The following SNX2 variants were observed in gnomAD, a reference collection of about 807,000 sequenced individuals.
The protein encoded by SNX2 is sorting nexin 2, also known as sorting nexin-2.
Under a neutral mutation model 69.9 loss-of-function variants are expected in SNX2, and 25 were observed. The ratio of observed to expected loss-of-function variants is 0.36; its 90% CI spans 0.26 to 0.50. The LOEUF (loss-of-function observed/expected upper bound fraction) is 0.50. Ranked by LOEUF, SNX2 falls within the 20% of genes least tolerant of loss-of-function variation. SNX2 has a pLI of 0.97. For synonymous variants in SNX2, 229 were observed against 200.4 expected (o/e 1.14, Z -1.20); for missense variants, 551 against 613.3 (o/e 0.90, Z 1.07).
chr5:122,814,753 T>TTTTTTTTGGTTTTTTTTG (rs1554063743), intron 7 of SNX2, among the ~76,000 whole-genome samples: 2 of 151,010 alleles, frequency 1.3e-5, no homozygotes, highest in African/African-American at 4.9e-5. Flanking sequence ...GATAGCAGGT[T>TTTTTTTTGGTTTTTTTTG]TTTTTTTGTT....
At chr5:122,795,614 A>T (rs763424666) in intron 2 of SNX2, 1 of 366,918 alleles carries the variant, frequency 2.7e-6, no homozygotes, top group Non-Finnish European at 4.9e-6. Flanking sequence ...AATAAATTGT[A>T]TATTATAATT....
chr5:122,789,473 G>GCACA (rs1753175052), intron 1 of SNX2, among the ~76,000 whole-genome samples: 4 of 36,746 alleles, frequency 1.1e-4, no homozygotes, highest in African/African-American at 3.6e-4. Context: ...AGACACACAC[G>GCACA]GACACACACA....
intron 6 of SNX2, 81 bp from the exon 7 acceptor site, chr5:122,808,196 T>C (rs1234492058): frequency 1.1e-6 from 1 of 909,092 alleles, no homozygotes; most frequent in South Asian, 1.9e-5. Context: ...TTTGAGTGTA[T>C]TTTAAATTAT....
intron 2 of SNX2, among the ~76,000 whole-genome samples, chr5:122,799,487 C>G (rs3765076): frequency 0.039 from 5,861 of 152,152 alleles, 183 homozygotes; most frequent in East Asian, 0.1. Flanking sequence ...AGGATTCTTT[C>G]TAAAATCAAC....
intron 1 of SNX2, among the ~76,000 whole-genome samples, chr5:122,793,764 T>A (rs1934505233): frequency 6.7e-6 from 1 of 149,190 alleles, no homozygotes; most frequent in South Asian, 2.1e-4. Flanking sequence ...CAAAAAAAAA[T>A]TAGCTGGGCG....
intron 11 of SNX2, among the ~76,000 whole-genome samples, chr5:122,821,588 G>A (rs1754026439): frequency 6.6e-6 from 1 of 151,850 alleles, no homozygotes; most frequent in Non-Finnish European, 1.5e-5. Flanking sequence ...CCGAGTAGCT[G>A]GGACTACAGG....
intron 9 of SNX2, 116 bp downstream of exon 9, chr5:122,817,144 C>A: frequency 9.0e-7 from 1 of 1,116,066 alleles, no homozygotes; most frequent in Non-Finnish European, 1.3e-6. Flanking sequence ...GTTTAGTTCT[C>A]AGCCACATCA....
intron 11 of SNX2, among the ~76,000 whole-genome samples, chr5:122,819,418 A>G (rs1043796420): frequency 6.6e-6 from 1 of 152,190 alleles, no homozygotes; most frequent in Non-Finnish European, 1.5e-5. Flanking sequence ...ATTGCAGTGA[A>G]TATGTTTAAT....
intron 1 of SNX2, among the ~76,000 whole-genome samples, chr5:122,789,039 T>C (rs1203862703): frequency 1.3e-5 from 2 of 152,220 alleles, no homozygotes; most frequent in Non-Finnish European, 2.9e-5. Flanking sequence ...CATCCTGTTA[T>C]AATCCTCTGG....
intron 7 of SNX2, among the ~76,000 whole-genome samples, chr5:122,814,818 C>T (rs867355595): frequency 8.6e-5 from 13 of 151,572 alleles, no homozygotes; most frequent in Admixed American, 7.9e-4. Context: ...GGCAGGATCT[C>T]GGCTCACTCC....
intron 7 of SNX2, 30 bp downstream of exon 7, chr5:122,808,385 CTCA>C: frequency 1.4e-6 from 2 of 1,426,002 alleles, no homozygotes; most frequent in Non-Finnish European, 2.0e-6. Flanking sequence ...TTTTATTACT[CTCA>C]TGTTTGTACC....
chr5:122,801,170 T>G (rs1753499547), intron 3 of SNX2, among the ~76,000 whole-genome samples: 1 of 152,148 alleles, frequency 6.6e-6, no homozygotes, highest in South Asian at 2.1e-4. Context: ...GAGAGAGAAC[T>G]TTGAAAAATG....
At chr5:122,802,178 G>C in intron 5 of SNX2, 54 bp downstream of exon 5, 1 of 1,396,162 alleles carries the variant, frequency 7.2e-7, no homozygotes, top group Non-Finnish European at 1.0e-6. Flanking sequence ...TGTGTAGTAT[G>C]AGGATATGGC....
At chr5:122,827,904 A>G (rs1410000000) in intron 14 of SNX2, 9 of 355,244 alleles carry the variant, frequency 2.5e-5, no homozygotes, top group Non-Finnish European at 4.6e-5. Context: ...CTCATGGGCA[A>G]CTTTCCCCTT....
chr5:122,798,334 C>T (rs6888433), intron 2 of SNX2, among the ~76,000 whole-genome samples: 63,406 of 151,854 alleles, frequency 0.42, 13,806 homozygotes, highest in African/African-American at 0.5. Flanking sequence ...CTGGTTACCA[C>T]AGTTTGAAAG....
At chr5:122,813,337 T>C (rs1231343110) in intron 7 of SNX2, among the ~76,000 whole-genome samples, 1 of 152,112 alleles carries the variant, frequency 6.6e-6, no homozygotes, top group Non-Finnish European at 1.5e-5. Context: ...AACTAAAAAA[T>C]GCATACATGT....
rs1029602888 is a variant in SNX2 at position 122,832,932 on chromosome 5, G to C, written c.*3284G>C. The C allele has an allele frequency of 1.3e-5, 2 of 152,194 alleles. No individual in the cohort carries two copies. The highest frequency in any genetic ancestry group is 2.9e-5 in the Non-Finnish European group (2 of 68,032). The allele number at this position is 152,194 out of a possible 1,614,324, so 9.4% of individuals were successfully genotyped here. On this transcript the variant is annotated 3_prime_UTR_variant, in exon 15 of 15. Coordinates refer to ENST00000379516, the MANE Select transcript of SNX2 (RefSeq NM_003100.4). Reference sequence around the variant, plus strand: ...AAAGTCATTTTGTTTTAAAGGAAGGGAGGTTGCTGGTAGTTAGGTGGGAAA... The same window carrying C: ...AAAGTCATTTTGTTTTAAAGGAAGGCAGGTTGCTGGTAGTTAGGTGGGAAA...
At chr5:122,775,352 G>A in intron 1 of SNX2, 141 bp downstream of exon 1, 1 of 1,382,764 alleles carries the variant, frequency 7.2e-7, no homozygotes, top group Non-Finnish European at 9.4e-7. Flanking sequence ...CCCCACCTCC[G>A]GTGCCTGTCA....
rs60824831 is a variant in SNX2, at chr5:122,832,135, T to TGAGATCAAAAGTTA, written c.*2488_*2501dup. Among the ~76,000 whole-genome samples, 1,649 of 152,334 alleles carry TGAGATCAAAAGTTA rather than the reference T, an allele frequency of 0.011. 22 individuals are homozygous for TGAGATCAAAAGTTA. Among genetic ancestry groups the TGAGATCAAAAGTTA allele is most frequent in the African/African-American group, 0.038 (1,564 of 41,572 alleles). On this transcript the variant is annotated 3_prime_UTR_variant, in exon 15 of 15. Transcript: ENST00000379516. ...GTTTAGCGTTTGTTTGTTTTCTTAA[T>TGAGATCAAAAGTTA]GAGATCAAAAGTTAAAGACCAAGGC...
Sources: allele counts gnomAD v4.1 joint callset (sites outside exome capture counted in the v4.1 genomes callset), GRCh38; gene constraint gnomAD v4.1.1; transcripts MANE v1.5; gene names NCBI Gene and HGNC (gene_info 2026-07-23, HGNC 2026-07-21).